SLK: variants seen among roughly 807,000 people sequenced by gnomAD.
SLK encodes STE20-like serine/threonine-protein kinase.
SLK carries 67 observed loss-of-function variants against 147.7 expected under a neutral mutation model. That is an observed-to-expected ratio of 0.45 (90% CI 0.37 to 0.56). SLK has a LOEUF of 0.56. Ranked by LOEUF, SLK falls within the 20% of genes least tolerant of loss-of-function variation. SLK has a pLI of 0.00. For synonymous variants in SLK, 441 were observed against 475.0 expected (o/e 0.93, Z 0.93); for missense variants, 1,136 against 1,438.8 (o/e 0.79, Z 3.41).
chr10:104,007,078 T>G (rs942750677), intron 11 of SLK, among the ~76,000 whole-genome samples: 1 of 152,150 alleles, frequency 6.6e-6, no homozygotes, highest in Non-Finnish European at 1.5e-5. Flanking sequence ...GGTGTTTATT[T>G]TAAGAATCTT....
rs190612786 is a variant in SLK at position 103,971,434 on chromosome 10, C to T, written c.150+3539C>T. On this transcript the variant is annotated intron_variant, in intron 1 of 18. Transcript: ENST00000369755. ...GGATTACAGGCACGCACCACCGTGC[C>T]GGGCTAATTTTTTGTATTTTTAGTA... Among the ~76,000 whole-genome samples, 33 of 152,188 alleles carry T rather than the reference C, an allele frequency of 2.2e-4. 1 individual carries two copies. The highest frequency in any genetic ancestry group is 7.7e-4 in the African/African-American group (32 of 41,514).
chr10:103,987,351 C>T (rs576218297), intron 1 of SLK, among the ~76,000 whole-genome samples: 3 of 152,054 alleles, frequency 2.0e-5, no homozygotes, highest in Non-Finnish European at 4.4e-5. Flanking sequence ...TTAAAATCTC[C>T]AGGACATCAG....
chr10:104,021,154 A>G (rs1844528537), intron 17 of SLK, among the ~76,000 whole-genome samples: 1 of 152,238 alleles, frequency 6.6e-6, no homozygotes, highest in Admixed American at 6.5e-5. Flanking sequence ...ATTTCAGAGT[A>G]GTGTATAAAT....
chr10:103,990,444 T>G (rs1042428927), intron 1 of SLK, among the ~76,000 whole-genome samples: 1 of 152,206 alleles, frequency 6.6e-6, no homozygotes, highest in Non-Finnish European at 1.5e-5. Flanking sequence ...TTCTGTACTT[T>G]CCACGCAATT....
intron 13 of SLK, among the ~76,000 whole-genome samples, chr10:104,011,727 A>C (rs1346679272): frequency 6.6e-6 from 1 of 151,860 alleles, no homozygotes; most frequent in Non-Finnish European, 1.5e-5. Flanking sequence ...CGCCCAGCTA[A>C]TATTTTGTAT....
chr10:104,001,441 C>T lies in SLK; in HGVS notation c.865-3C>T. 4.3e-6 allele frequency: 7 copies of T among 1,612,800 alleles called. No homozygotes were observed. Among genetic ancestry groups the T allele is most frequent in the South Asian group, 1.1e-5 (1 of 91,028 alleles). On this transcript the variant is annotated splice_region_variant and splice_polypyrimidine_tract_variant and intron_variant, in intron 7 of 18. Coordinates refer to ENST00000369755, the MANE Select transcript of SLK (RefSeq NM_014720.4). ...TGAGTATGTTCTTTTTAATGATCAACAGCATCCCTTTGTTACTGTTGATTC... is the reference window on the plus strand; with the variant it reads ...TGAGTATGTTCTTTTTAATGATCAATAGCATCCCTTTGTTACTGTTGATTC...
intron 13 of SLK, among the ~76,000 whole-genome samples, chr10:104,012,225 CTAAG>C (rs1390385134): frequency 6.6e-6 from 1 of 151,968 alleles, no homozygotes; most frequent in Non-Finnish European, 1.5e-5. Flanking sequence ...TTAAATTTTG[CTAAG>C]TAAAGATATT....
intron 1 of SLK, among the ~76,000 whole-genome samples, chr10:103,980,159 C>A (rs796944128): frequency 1.2e-4 from 19 of 152,212 alleles, no homozygotes; most frequent in African/African-American, 4.6e-4. Flanking sequence ...GATGTCCGTA[C>A]GCACATAGTA....
rs143921482 is a variant in SLK at position 103,979,977 on chromosome 10, T to C, written c.151-10698T>C. Reference sequence around the variant, plus strand: ...GCTGTGTTATCTTTGTAAAGTTTTATGGTATTGCCTTCTACATTAGGTGTG... The same window carrying C: ...GCTGTGTTATCTTTGTAAAGTTTTACGGTATTGCCTTCTACATTAGGTGTG... On this transcript the variant is annotated intron_variant, in intron 1 of 18. Transcript: ENST00000369755. Among the ~76,000 whole-genome samples the C allele has an allele frequency of 5.9e-3, 903 of 152,348 alleles. 29 individuals carry two copies. The highest frequency in any genetic ancestry group is 0.049 in the Admixed American group (748 of 15,302).
At position 104,005,915 on chromosome 10, in the gene SLK, T is replaced by C. The variant is rs774277363; in HGVS notation, c.2484T>C (p.Arg828=). ...CATTACCATTAAATTTTATCAGACG[T>C]CAGGAACTTCGGGAATTAAGATTTC... ...SKTEELRFLR[R]QELRELRFLQ... The change falls in exon 11 of 19, where the codon CGT becomes CGC. Residue 828 remains arginine, a synonymous_variant. Coordinates refer to ENST00000369755, the MANE Select transcript of SLK (RefSeq NM_014720.4). The C allele has an allele frequency of 6.2e-7, 1 of 1,607,418 alleles. No individual in the cohort carries two copies.
chr10:103,977,605 C>T (rs1843887733), intron 1 of SLK, among the ~76,000 whole-genome samples: 1 of 152,172 alleles, frequency 6.6e-6, no homozygotes, highest in African/African-American at 2.4e-5. Flanking sequence ...AGCAAGACCT[C>T]GTCTCAAACA....
intron 1 of SLK, among the ~76,000 whole-genome samples, chr10:103,989,766 C>T (rs1844067128): frequency 6.6e-6 from 1 of 152,146 alleles, no homozygotes. Flanking sequence ...CCGCGCCCGG[C>T]CAACAATTTG....
chr10:103,981,937 A>G (rs1308859756), intron 1 of SLK, among the ~76,000 whole-genome samples: 1 of 152,144 alleles, frequency 6.6e-6, no homozygotes, highest in African/African-American at 2.4e-5. Flanking sequence ...CATTTTAACA[A>G]TATTAGGCCT....
At chr10:103,991,552 A>G (rs1160279600) in intron 2 of SLK, among the ~76,000 whole-genome samples, 1 of 152,088 alleles carries the variant, frequency 6.6e-6, no homozygotes, top group Non-Finnish European at 1.5e-5. Flanking sequence ...CTAAAGGTCT[A>G]TATTTTTTTA....
At chr10:103,983,667 GT>G (rs11327089) in intron 1 of SLK, among the ~76,000 whole-genome samples, 92,389 of 144,990 alleles carry the variant, frequency 0.64, 29,333 homozygotes, top group East Asian at 0.85. Context: ...CCTTGTAGAG[GT>G]TTTTTTTTTT....
At chr10:103,987,789 C>T (rs1337126398) in intron 1 of SLK, among the ~76,000 whole-genome samples, 1 of 151,798 alleles carries the variant, frequency 6.6e-6, no homozygotes, top group African/African-American at 2.4e-5. Context: ...AGAAGTTAAC[C>T]AAAGAAGGAA....
At chr10:104,020,423 A>G (rs1844519413) in intron 16 of SLK, 65 bp from the exon 17 acceptor site, 8 of 1,462,816 alleles carry the variant, frequency 5.5e-6, no homozygotes, top group African/African-American at 2.9e-5. Context: ...ATTCCTTTAT[A>G]TCTTCAGAAT....
chr10:104,019,634 A>T, intron 15 of SLK, 100 bp from the exon 16 acceptor site: 1 of 912,640 alleles, frequency 1.1e-6, no homozygotes, highest in Non-Finnish European at 1.7e-6. Context: ...GGGAGAGGGT[A>T]ATTATAGGAA....
chr10:104,013,751 C>T (rs988960207), intron 13 of SLK, among the ~76,000 whole-genome samples: 1 of 152,144 alleles, frequency 6.6e-6, no homozygotes, highest in Non-Finnish European at 1.5e-5. Context: ...GTTTTACCTG[C>T]CTTTTCACAT....
Sources: gnomAD v4.1 joint callset for allele counts (sites outside exome capture counted in the v4.1 genomes callset) on GRCh38, gnomAD v4.1.1 for gene constraint, MANE v1.5 for transcripts, NCBI Gene and HGNC (gene_info 2026-07-23, HGNC 2026-07-21) for gene names.